Variants in SIPA1L1 observed in about 807,000 individuals in gnomAD.
SIPA1L1 encodes signal induced proliferation associated 1 like 1, also known as signal-induced proliferation-associated 1-like protein 1.
Under a neutral mutation model 162.7 loss-of-function variants are expected in SIPA1L1, and 26 were observed. The ratio of observed to expected loss-of-function variants is 0.16; its 90% CI spans 0.12 to 0.22. SIPA1L1 has a LOEUF of 0.22. SIPA1L1 is among the 10% of genes least tolerant of loss of function. The pLI is 1.00. For missense variants in SIPA1L1, 1,874 were observed against 2,241.0 expected, an observed-to-expected ratio of 0.84 and a Z score of 3.31; for synonymous variants, 829 against 837.4, an observed-to-expected ratio of 0.99 and a Z score of 0.17.
At chr14:71,384,358 C>A (rs1022034963) in intron 2 of SIPA1L1, among the ~76,000 whole-genome samples, 1 of 152,020 alleles carries the variant, frequency 6.6e-6, no homozygotes, top group Non-Finnish European at 1.5e-5. Flanking sequence ...TTGTGTGGGG[C>A]CTGGGTTTGG....
Position 71,723,790 on chromosome 14 carries a change from G to C in SIPA1L1, c.4352G>C (p.Ser1451Thr). The C allele has an allele frequency of 6.2e-7, 1 of 1,614,186 alleles. No homozygotes were observed. Among genetic ancestry groups the C allele is most frequent in the Non-Finnish European group, 8.5e-7 (1 of 1,180,028 alleles). The part of the protein sequence containing the change: ...SSSSSSSGPR[S>T]FYPRQGATSK... The stretch of plus-strand genomic sequence containing the variant: ...TCCTCCTCCTCCTCTGGTCCTAGGA[G>C]TTTTTACCCTCGCCAGGGCGCTACT... The change falls in exon 18 of 24, where the codon AGT (serine) becomes ACT (threonine). Residue 1451 changes from serine to threonine, a missense_variant. Ser to Thr is a moderately conservative substitution (Grantham distance 58). Transcript: ENST00000381232.
intron 2 of SIPA1L1, among the ~76,000 whole-genome samples, chr14:71,382,891 G>A (rs1298804668): frequency 6.6e-6 from 1 of 152,164 alleles, no homozygotes; most frequent in East Asian, 1.9e-4. Flanking sequence ...TCATAACACA[G>A]TGATGGGTGC....
chr14:71,661,632 T>C (rs760672121), intron 10 of SIPA1L1, among the ~76,000 whole-genome samples, 165 bp downstream of exon 10: 4 of 152,228 alleles, frequency 2.6e-5, no homozygotes, highest in African/African-American at 4.8e-5. Context: ...TGATGTAATC[T>C]GGTGGCATTG....
intron 4 of SIPA1L1, among the ~76,000 whole-genome samples, chr14:71,536,065 C>G (rs553117325): frequency 6.6e-6 from 1 of 150,986 alleles, no homozygotes; most frequent in East Asian, 1.9e-4. Context: ...GAATTCTGTG[C>G]TAAGATCTCT....
chr14:71,357,266 G>T (rs1449601284), intron 2 of SIPA1L1, among the ~76,000 whole-genome samples: 10 of 150,314 alleles, frequency 6.7e-5, no homozygotes, highest in Non-Finnish European at 1.5e-4. Flanking sequence ...GTTTTTTTTT[G>T]TGTGTGTGTG....
chr14:71,669,395 T>C (rs1395650159), intron 10 of SIPA1L1, among the ~76,000 whole-genome samples: 1 of 152,220 alleles, frequency 6.6e-6, no homozygotes, highest in African/African-American at 2.4e-5. Flanking sequence ...TCTCCTTATT[T>C]AAAATAAAAT....
chr14:71,356,478 C>G (rs2037252195), intron 2 of SIPA1L1, among the ~76,000 whole-genome samples: 1 of 145,478 alleles, frequency 6.9e-6, no homozygotes, highest in Non-Finnish European at 1.5e-5. Context: ...TGCCTGTGAT[C>G]CCAGCACTTT....
intron 2 of SIPA1L1, among the ~76,000 whole-genome samples, chr14:71,325,793 A>G (rs147283944): frequency 1.4e-3 from 212 of 152,118 alleles, no homozygotes; most frequent in Non-Finnish European, 2.5e-3. Flanking sequence ...TAGATTTCCA[A>G]TTTGTTGCTT....
intron 4 of SIPA1L1, among the ~76,000 whole-genome samples, chr14:71,535,122 C>A (rs1465638742): frequency 6.6e-6 from 1 of 152,192 alleles, no homozygotes; most frequent in African/African-American, 2.4e-5. Context: ...TAGGTTCTCA[C>A]AGAACACAGA....
intron 2 of SIPA1L1, among the ~76,000 whole-genome samples, chr14:71,497,258 T>C (rs1414156983): frequency 6.6e-6 from 1 of 152,208 alleles, no homozygotes; most frequent in Non-Finnish European, 1.5e-5. Context: ...TTGCCCAGGC[T>C]GGTCTTGAAC....
At position 71,671,349 on chromosome 14, in the gene SIPA1L1, C is replaced by G; in HGVS notation, c.2486C>G (p.Ser829Cys). 1 of 1,614,238 alleles carries G rather than the reference C, an allele frequency of 6.2e-7. No homozygotes were observed. ...GTCACCAACACCCCTATCGACCCTT[C>G]TGGCAAGTTTCCGTTCATCTCTCTG... Reference protein sequence around the residue: ...KNVTNTPIDPSGKFPFISLAS... With the variant: ...KNVTNTPIDPCGKFPFISLAS... The change falls in exon 11 of 24, where the codon TCT becomes TGT. Residue 829 changes from serine (S) to cysteine (C), a missense_variant. Physicochemically the swap from Ser to Cys is moderately radical, Grantham distance 112. Coordinates refer to ENST00000381232, the MANE Select transcript of SIPA1L1 (RefSeq NM_001386936.1).
At chr14:71,724,331 C>T (rs1347438345) in intron 18 of SIPA1L1, among the ~76,000 whole-genome samples, 1 of 152,120 alleles carries the variant, frequency 6.6e-6, no homozygotes, top group Non-Finnish European at 1.5e-5. Context: ...TTAAATGATT[C>T]ATTCAATTAT....
chr14:71,685,620 A>C lies in SIPA1L1; in HGVS notation c.3363A>C (p.Pro1121=). 1 of 1,614,040 alleles carries C rather than the reference A, an allele frequency of 6.2e-7. No individual in the cohort carries two copies. The highest frequency in any genetic ancestry group is 8.5e-7 in the Non-Finnish European group (1 of 1,179,968). The part of the protein sequence containing the change: ...IPRSISSDGR[P]LERRLSPGSD... ...GAAGCATCTCCAGTGACGGGCGCCC[A>C]CTAGAGAGGCGGTAAGTGTGCCTTC... is the stretch of plus-strand genomic sequence containing the variant. The change falls in exon 13 of 24, where the codon CCA becomes CCC. Residue 1121 remains proline, a synonymous_variant. Transcript: ENST00000381232.
Position 71,330,847 on chromosome 14 carries a change from C to T in SIPA1L1, c.-465+9666C>T, listed in dbSNP as rs1300398137. On this transcript the variant is annotated intron_variant, in intron 2 of 23. Transcript: ENST00000381232. ...AACACCTTATGAGATAGATTATTTG[C>T]AAATATTTTTTCCACTCCAGGTTGC... The T allele has an allele frequency of 6.8e-6, 4 of 585,758 alleles. No individual in the cohort carries two copies. The African/African-American group carries it at 7.5e-5, about 11-fold the overall frequency. The allele number at this position is 585,758 out of a possible 1,614,324, so 36.3% of individuals were successfully genotyped here.
intron 2 of SIPA1L1, among the ~76,000 whole-genome samples, chr14:71,488,239 A>G (rs1349420891): frequency 2.0e-5 from 3 of 152,086 alleles, no homozygotes; most frequent in Non-Finnish European, 4.4e-5. Flanking sequence ...TGCTATATTC[A>G]CTTTCATTAC....
intron 5 of SIPA1L1, among the ~76,000 whole-genome samples, chr14:71,589,950 A>G (rs1203793333): frequency 1.3e-5 from 2 of 150,324 alleles, no homozygotes; most frequent in Admixed American, 1.3e-4. Flanking sequence ...TGAGTAGAAA[A>G]GGCACTGAAG....
At chr14:71,731,735 C>T (rs1370385779) in intron 20 of SIPA1L1, among the ~76,000 whole-genome samples, 1 of 152,208 alleles carries the variant, frequency 6.6e-6, no homozygotes, top group Non-Finnish European at 1.5e-5. Context: ...ATTGTCCAGA[C>T]GAGGAGTCCT....
At chr14:71,334,104 G>T (rs952661651) in intron 2 of SIPA1L1, among the ~76,000 whole-genome samples, 1 of 152,202 alleles carries the variant, frequency 6.6e-6, no homozygotes, top group Non-Finnish European at 1.5e-5. Context: ...ATCTGTGCAT[G>T]TTGGGTATGA....
intron 6 of SIPA1L1, among the ~76,000 whole-genome samples, chr14:71,620,448 C>T (rs1203266905): frequency 6.6e-6 from 1 of 152,204 alleles, no homozygotes; most frequent in African/African-American, 2.4e-5. Flanking sequence ...TTTTTCCCTT[C>T]CCAAGGCCAC....
Sources: allele counts gnomAD v4.1 joint callset (sites outside exome capture counted in the v4.1 genomes callset), GRCh38; gene constraint gnomAD v4.1.1; transcripts MANE v1.5; gene names NCBI Gene and HGNC (gene_info 2026-07-23, HGNC 2026-07-21).